SNX30: variants seen among roughly 807,000 people sequenced by gnomAD.
The protein encoded by SNX30 is sorting nexin-30.
A neutral mutation model predicts 46.4 loss-of-function variants in SNX30; 24 were observed. The ratio of observed to expected loss-of-function variants is 0.52; its 90% CI spans 0.37 to 0.73. The LOEUF (loss-of-function observed/expected upper bound fraction) is 0.73. SNX30 is among the 30% of genes least tolerant of loss of function. The pLI is 0.00. For synonymous variants in SNX30, 189 were observed against 211.5 expected (o/e 0.89, Z 0.92); for missense variants, 533 against 555.7 (o/e 0.96, Z 0.41).
intron 1 of SNX30, among the ~76,000 whole-genome samples, chr9:112,797,926 G>A (rs1418291852): frequency 6.3e-5 from 9 of 143,154 alleles, no homozygotes; most frequent in African/African-American, 2.3e-4. Flanking sequence ...TGGCCAGGCT[G>A]GTCTTGAACT....
intron 6 of SNX30, among the ~76,000 whole-genome samples, chr9:112,840,086 C>T (rs1840831168): frequency 6.6e-6 from 1 of 152,186 alleles, no homozygotes; most frequent in Non-Finnish European, 1.5e-5. Flanking sequence ...GAAAATGGAG[C>T]CTCTGGTGAA....
At chr9:112,772,027 T>C (rs1839658927) in intron 1 of SNX30, among the ~76,000 whole-genome samples, 1 of 152,172 alleles carries the variant, frequency 6.6e-6, no homozygotes, top group African/African-American at 2.4e-5. Flanking sequence ...TGTCCAGACT[T>C]TATTGGACCC....
At chr9:112,865,041 ACAC>A (rs1841299132) in intron 8 of SNX30, among the ~76,000 whole-genome samples, 1 of 148,938 alleles carries the variant, frequency 6.7e-6, no homozygotes, top group Non-Finnish European at 1.5e-5. Context: ...CCCCACACAC[ACAC>A]TACACACACA....
chr9:112,782,430 C>T (rs1172717165), intron 1 of SNX30, among the ~76,000 whole-genome samples: 1 of 152,222 alleles, frequency 6.6e-6, no homozygotes, highest in African/African-American at 2.4e-5. Context: ...TGCCTTTGCA[C>T]TACAACAGCT....
intron 8 of SNX30, among the ~76,000 whole-genome samples, chr9:112,867,202 C>T (rs1841369199): frequency 6.7e-6 from 1 of 148,938 alleles, no homozygotes; most frequent in Non-Finnish European, 1.5e-5. Flanking sequence ...ACTCCTGCCT[C>T]CTCAGGATTC....
At chr9:112,862,774 G>A (rs573012454) in intron 7 of SNX30, among the ~76,000 whole-genome samples, 1 of 151,854 alleles carries the variant, frequency 6.6e-6, no homozygotes, top group South Asian at 2.1e-4. Context: ...TGTTGCCCAG[G>A]CTGGTCTCAA....
rs1489341362 is a variant in SNX30 at position 112,872,223 on chromosome 9, G to T, written c.*3380G>T. The T allele has an allele frequency of 6.6e-6, 1 of 152,210 alleles. No homozygotes were observed. Among genetic ancestry groups the T allele is most frequent in the African/African-American group, 2.4e-5 (1 of 41,444 alleles). 9.4% of individuals were successfully genotyped at this position (152,210 alleles called of 1,614,324 possible). ...ACACCTGCTGCTCACTTCTTGTGAG[G>T]CTGCCTTTTGTGATCAAATAACAGG... On this transcript the variant is annotated 3_prime_UTR_variant, in exon 9 of 9. Transcript: ENST00000374232.
chr9:112,775,863 G>A (rs187875838), intron 1 of SNX30, among the ~76,000 whole-genome samples: 1 of 147,518 alleles, frequency 6.8e-6, no homozygotes, highest in African/African-American at 2.5e-5. Flanking sequence ...AGTTCTTGGC[G>A]ATTGTTCCAT....
At chr9:112,752,899 CT>C (rs1432126925) in intron 1 of SNX30, among the ~76,000 whole-genome samples, 2 of 152,214 alleles carry the variant, frequency 1.3e-5, no homozygotes, top group Non-Finnish European at 2.9e-5. Context: ...TCTAAGCTCA[CT>C]CACATGGCTG....
rs913108272 is a variant in SNX30, at chr9:112,829,781, G to GT, written c.460-935dup. ...GTTTTTTTTTGTTTGTTTTGTTTTT[G>GT]TTTTTTTTTAAGATTATGGCCATCT... On this transcript the variant is annotated intron_variant, in intron 3 of 8. Coordinates refer to ENST00000374232, the MANE Select transcript of SNX30 (RefSeq NM_001012994.2). Among the ~76,000 whole-genome samples the GT allele has an allele frequency of 1.8e-3, 270 of 150,050 alleles. 1 individual carries two copies. The highest frequency in any genetic ancestry group is 5.1e-3 in the African/African-American group (207 of 40,868).
intron 8 of SNX30, 22 bp from the exon 9 acceptor site, chr9:112,868,762 T>C (rs756906383): frequency 6.2e-7 from 1 of 1,613,886 alleles, no homozygotes; most frequent in South Asian, 1.1e-5. Flanking sequence ...GCTGATACTG[T>C]GTGTGTATGT....
At chr9:112,804,119 G>A (rs1173102868) in intron 1 of SNX30, among the ~76,000 whole-genome samples, 2 of 151,230 alleles carry the variant, frequency 1.3e-5, no homozygotes, top group African/African-American at 4.9e-5. Context: ...GCTGGGAGCT[G>A]TAGACCGGAG....
intron 4 of SNX30, among the ~76,000 whole-genome samples, chr9:112,833,092 ACAGTT>A (rs981933093): frequency 6.6e-6 from 1 of 152,070 alleles, no homozygotes; most frequent in Non-Finnish European, 1.5e-5. Context: ...TTCTAAGTGT[ACAGTT>A]CAGTAGTGTT....
intron 1 of SNX30, among the ~76,000 whole-genome samples, chr9:112,766,689 C>T (rs1839542544): frequency 6.6e-6 from 1 of 152,170 alleles, no homozygotes; most frequent in East Asian, 1.9e-4. Context: ...CTTTAGATTC[C>T]TCCTGTAAAT....
chr9:112,827,111 C>G (rs1292381630), intron 3 of SNX30, among the ~76,000 whole-genome samples: 2 of 152,198 alleles, frequency 1.3e-5, no homozygotes, highest in African/African-American at 4.8e-5. Context: ...GTATTCTTAA[C>G]ATCTTCTCTG....
intron 7 of SNX30, among the ~76,000 whole-genome samples, chr9:112,862,190 G>A (rs1841249725): frequency 6.6e-6 from 1 of 151,970 alleles, no homozygotes; most frequent in African/African-American, 2.4e-5. Context: ...AACACACCTG[G>A]GAATCTTTAA....
chr9:112,848,002 G>A (rs549804265), intron 6 of SNX30, among the ~76,000 whole-genome samples: 6 of 152,080 alleles, frequency 3.9e-5, no homozygotes, highest in African/African-American at 9.7e-5. Flanking sequence ...CTGTATCCCC[G>A]TCCCTGGCTA....
chr9:112,767,339 C>T (rs1839559213), intron 1 of SNX30, among the ~76,000 whole-genome samples: 2 of 152,052 alleles, frequency 1.3e-5, no homozygotes, highest in South Asian at 2.1e-4. Context: ...TTAGTATTAG[C>T]CCCTTCTCAG....
chr9:112,851,067 T>A (rs1405852269), intron 7 of SNX30, 122 bp downstream of exon 7: 9 of 604,320 alleles, frequency 1.5e-5, no homozygotes, highest in Non-Finnish European at 2.6e-5. Context: ...ACGTTGATGA[T>A]GTTGTCCTTT....
Sources: gnomAD v4.1 joint callset for allele counts (sites outside exome capture counted in the v4.1 genomes callset) on GRCh38, gnomAD v4.1.1 for gene constraint, MANE v1.5 for transcripts, NCBI Gene and HGNC (gene_info 2026-07-23, HGNC 2026-07-21) for gene names.